The following ANKRD18A variants were observed in gnomAD, a reference collection of about 807,000 sequenced individuals.
ANKRD18A encodes ankyrin repeat domain-containing protein 18A.
In ANKRD18A, 72 loss-of-function variants were observed where a neutral mutation model predicts 110.6. The observed-to-expected ratio is 0.65, with a 90% CI of 0.54 to 0.79. The LOEUF is 0.79. ANKRD18A is among the 30% of genes least tolerant of loss of function. ANKRD18A has a pLI of 0.00. For missense variants in ANKRD18A, 934 were observed against 1,163.3 expected (o/e 0.80, Z 2.87); for synonymous variants, 305 against 410.3 (o/e 0.74, Z 3.10).
At chr9:38,605,993 GA>G (rs1170795170) in intron 6 of ANKRD18A, among the ~76,000 whole-genome samples, 2 of 152,136 alleles carry the variant, frequency 1.3e-5, no homozygotes, top group Non-Finnish European at 2.9e-5. Flanking sequence ...CTTGTTCTAA[GA>G]AGTGAATATA....
chr9:38,611,983 A>G (rs1237484405), intron 3 of ANKRD18A, among the ~76,000 whole-genome samples: 1 of 152,194 alleles, frequency 6.6e-6, no homozygotes, highest in East Asian at 1.9e-4. Context: ...GAGCTTCCCA[A>G]TACAAGTGGA....
intron 10 of ANKRD18A, among the ~76,000 whole-genome samples, chr9:38,591,948 G>C (rs1319245611): frequency 6.6e-6 from 1 of 152,188 alleles, no homozygotes; most frequent in Non-Finnish European, 1.5e-5. Context: ...ACTCTGCTGA[G>C]CGCTCGGATT....
intron 5 of ANKRD18A, among the ~76,000 whole-genome samples, chr9:38,610,006 T>C (rs888479763): frequency 6.7e-6 from 1 of 150,042 alleles, no homozygotes; most frequent in Non-Finnish European, 1.5e-5. Context: ...CTATCTCACA[T>C]ATGAGTTATA....
chr9:38,604,793 T>C (rs1353419186), intron 6 of ANKRD18A: 1 of 138,498 alleles, frequency 7.2e-6, no homozygotes, highest in African/African-American at 2.9e-5. Context: ...AAGCACTCCA[T>C]ATATTTTTTT....
intron 8 of ANKRD18A, among the ~76,000 whole-genome samples, chr9:38,598,946 T>C (rs1825006844): frequency 6.6e-6 from 1 of 152,258 alleles, no homozygotes; most frequent in South Asian, 2.1e-4. Context: ...CTGAGGCCAA[T>C]GTCTAATGAC....
chr9:38,607,757 A>C (rs933029538), intron 5 of ANKRD18A, among the ~76,000 whole-genome samples: 1 of 152,236 alleles, frequency 6.6e-6, no homozygotes, highest in Non-Finnish European at 1.5e-5. Flanking sequence ...ACTGTCCTGC[A>C]TTCACAGTAA....
At chr9:38,583,152 T>TA (rs1241163395) in intron 12 of ANKRD18A, among the ~76,000 whole-genome samples, 1 of 152,064 alleles carries the variant, frequency 6.6e-6, no homozygotes, top group Non-Finnish European at 1.5e-5. Context: ...CTTTGTTCAA[T>TA]AAAAAAGAGA....
chr9:38,596,879 T>A (rs533833006), intron 8 of ANKRD18A, among the ~76,000 whole-genome samples: 1 of 152,202 alleles, frequency 6.6e-6, no homozygotes, highest in Non-Finnish European at 1.5e-5. Flanking sequence ...TCTATTGTGA[T>A]TTGACTCAAC....
chr9:38,585,794 G>A (rs1484060068), intron 12 of ANKRD18A, among the ~76,000 whole-genome samples: 1 of 152,186 alleles, frequency 6.6e-6, no homozygotes, highest in Non-Finnish European at 1.5e-5. Context: ...ATAAAAAAAT[G>A]TGGTGTATAT....
chr9:38,584,144 C>T (rs1824275915), intron 12 of ANKRD18A, among the ~76,000 whole-genome samples: 1 of 152,208 alleles, frequency 6.6e-6, no homozygotes, highest in African/African-American at 2.4e-5. Flanking sequence ...TTCCCTTTCA[C>T]TTAATAAATT....
chr9:38,586,732 A>C (rs985271480), intron 11 of ANKRD18A, among the ~76,000 whole-genome samples: 4 of 152,026 alleles, frequency 2.6e-5, no homozygotes, highest in African/African-American at 9.7e-5. Flanking sequence ...TGCCTGGCTA[A>C]TTTTGTATTT....
intron 5 of ANKRD18A, among the ~76,000 whole-genome samples, chr9:38,609,977 T>C (rs897258299): frequency 4.8e-5 from 7 of 147,136 alleles, no homozygotes; most frequent in Non-Finnish European, 9.0e-5. Context: ...AAAGAAAAAG[T>C]AAAAGATGGA....
At chr9:38,611,110 T>C (rs2118871525) in intron 4 of ANKRD18A, 105 bp downstream of exon 4, 1 of 1,437,084 alleles carries the variant, frequency 7.0e-7, no homozygotes, top group Non-Finnish European at 9.1e-7. Flanking sequence ...ATGCCAATAA[T>C]TATAAGTTTA....
In ANKRD18A at chr9:38,608,534, T is replaced by C. The variant is rs148725715; in HGVS notation, c.741-1041A>G. Among the ~76,000 whole-genome samples, 1,243 of 147,592 alleles carry C rather than the reference T, an allele frequency of 8.4e-3. 21 individuals are homozygous for C. The highest frequency in any genetic ancestry group is 0.029 in the African/African-American group (1,169 of 40,740). Reference sequence around the variant, plus strand: ...CATTATGAGATTATATAATCTATAATTATATAATATATAGATTATATAATC... The same window carrying C: ...CATTATGAGATTATATAATCTATAACTATATAATATATAGATTATATAATC... On this transcript the variant is annotated intron_variant, in intron 5 of 15. Transcript: ENST00000399703.
At chr9:38,608,566 T>C (rs1326515937) in intron 5 of ANKRD18A, among the ~76,000 whole-genome samples, 1 of 147,144 alleles carries the variant, frequency 6.8e-6, no homozygotes, top group Admixed American at 6.8e-5. Flanking sequence ...AATCTATAAC[T>C]ATATAATAAT....
chr9:38,591,063 C>T (rs370037657), intron 10 of ANKRD18A, among the ~76,000 whole-genome samples: 20 of 152,078 alleles, frequency 1.3e-4, no homozygotes, highest in Non-Finnish European at 2.1e-4. Flanking sequence ...TGAGCTCAAG[C>T]GACCCTCCTA....
intron 4 of ANKRD18A, 109 bp downstream of exon 4, chr9:38,611,106 A>G (rs1205219611): frequency 1.4e-6 from 2 of 1,433,064 alleles, no homozygotes; most frequent in Non-Finnish European, 1.8e-6. Flanking sequence ...CTATATGCCA[A>G]TAATTATAAG....
chr9:38,576,738 T>C (rs767568774), intron 14 of ANKRD18A, among the ~76,000 whole-genome samples: 37 of 152,146 alleles, frequency 2.4e-4, no homozygotes, highest in Non-Finnish European at 4.6e-4. Flanking sequence ...ACAAGTAATT[T>C]TATAACAAGA....
rs1408012059 is a variant in ANKRD18A, at chr9:38,577,876, G to A, written c.2520C>T (p.Ile840=). 6.3e-7 allele frequency: 1 copy of A among 1,585,836 alleles called. No homozygotes were observed. Among genetic ancestry groups the A allele is most frequent in the African/African-American group, 1.4e-5 (1 of 73,128 alleles). The change falls in exon 13 of 16, where the codon ATC becomes ATT. Residue 840 remains isoleucine (I), a synonymous_variant. Transcript: ENST00000399703. ...GATTTTAAAAACTAACCTGTAAATG[G>A]ATTTCTTCTAATTTTTCTATTTCCT... The part of the protein sequence containing the change: ...AVQEIEKLEE[I]HLQKQAEYEK...
Sources: allele counts gnomAD v4.1 joint callset (sites outside exome capture counted in the v4.1 genomes callset), GRCh38; gene constraint gnomAD v4.1.1; transcripts MANE v1.5; gene names NCBI Gene and HGNC (gene_info 2026-07-23, HGNC 2026-07-21).